Variants in SLC39A10 observed in about 807,000 individuals in gnomAD.
SLC39A10 encodes solute carrier family 39 member 10, also known as zinc transporter ZIP10.
SLC39A10 carries 13 observed loss-of-function variants against 65.1 expected under a neutral mutation model. The observed-to-expected ratio is 0.20, with a 90% CI of 0.13 to 0.32. The LOEUF (loss-of-function observed/expected upper bound fraction) is 0.32. Among genes scored for constraint, SLC39A10 ranks in the 10% least tolerant of loss-of-function variants. SLC39A10 has a pLI of 1.00. For missense variants in SLC39A10, 831 were observed against 1,018.4 expected (o/e 0.82, Z 2.50); for synonymous variants, 321 against 342.2 (o/e 0.94, Z 0.68).
intron 2 of SLC39A10, among the ~76,000 whole-genome samples, chr2:195,617,332 G>T (rs962565529): frequency 2.0e-5 from 3 of 151,866 alleles, no homozygotes; most frequent in Middle Eastern, 3.2e-3. Flanking sequence ...GGAGGCCAAG[G>T]TGGGCAGATC....
At chr2:195,669,749 G>A (rs1171043015) in intron 1 of SLC39A10, among the ~76,000 whole-genome samples, 1 of 152,148 alleles carries the variant, frequency 6.6e-6, no homozygotes, top group Non-Finnish European at 1.5e-5. Context: ...TGTAATCCCA[G>A]CAGCTTGGGA....
chr2:195,639,160 C>T lies in SLC39A10; in HGVS notation c.-12+32927C>T, dbSNP rs181701491. 2.6e-5 allele frequency among the ~76,000 whole-genome samples: 4 copies of T among 152,238 alleles called. No homozygotes were observed. In the East Asian group the frequency reaches 7.7e-4, roughly 29 times the overall value. On this transcript the variant is annotated intron_variant, in intron 2 of 2. Coordinates refer to the SLC39A10 transcript ENST00000458054. ...TAAAGATAAGTCTTGCTATGTTGCC[C>T]AGGCTGGTGGTGAACTTCTGGCTTC...
chr2:195,698,449 G>C (rs576649134), intron 3 of SLC39A10, among the ~76,000 whole-genome samples: 1 of 152,006 alleles, frequency 6.6e-6, no homozygotes, highest in Non-Finnish European at 1.5e-5. Context: ...GATGTTTACT[G>C]TAAGTTTTTC....
In SLC39A10 at chr2:195,737,562, A is replaced by AATC. The variant is rs1161758631; in HGVS notation, c.*2524_*2526dup. 1.1e-5 allele frequency: 2 copies of AATC among 177,004 alleles called. No individual in the cohort carries two copies. The highest frequency in any genetic ancestry group is 4.9e-5 in the African/African-American group (2 of 40,554). The allele number at this position is 177,004 out of a possible 1,614,324, so 11.0% of individuals were successfully genotyped here. A position where few individuals can be genotyped will look rare whatever the true frequency, so the allele number is the denominator to read the frequency against. ...CTAAACTTTTGTTTTGTTTTAACTG[A>AATC]ATCATTTTTTAACTTAAAAAGCTGG... On this transcript the variant is annotated 3_prime_UTR_variant, in exon 10 of 10. Coordinates refer to ENST00000359634, the MANE Select transcript of SLC39A10 (RefSeq NM_020342.3).
At chr2:195,668,622 CT>C (rs1280354796) in intron 1 of SLC39A10, among the ~76,000 whole-genome samples, 1 of 152,182 alleles carries the variant, frequency 6.6e-6, no homozygotes, top group East Asian at 1.9e-4. Context: ...CAGATAATAA[CT>C]TCTCATTCTT....
In SLC39A10 at chr2:195,617,668, C is replaced by T. The variant is rs573137847; in HGVS notation, c.-12+11435C>T. ...GGAAAATCACTCGAGCTCAGGAGTT[C>T]AAGACCAGCCTAGGCAACATAGTGA... On this transcript the variant is annotated intron_variant, in intron 2 of 2. Transcript: ENST00000458054. Among the ~76,000 whole-genome samples the T allele has an allele frequency of 4.7e-5, 7 of 148,840 alleles. No homozygotes were observed. In the South Asian group the frequency reaches 8.6e-4, roughly 18 times the overall value.
In SLC39A10 at chr2:195,615,503, C is replaced by T. The variant is rs141143074; in HGVS notation, c.-12+9270C>T. Reference sequence around the variant, plus strand: ...TAAAAATATACAGGTGTTTAGTTTCCACTCTCACCCCATCCCACCTCCCTG... The same window carrying T: ...TAAAAATATACAGGTGTTTAGTTTCTACTCTCACCCCATCCCACCTCCCTG... On this transcript the variant is annotated intron_variant, in intron 2 of 2. Transcript: ENST00000458054. 8.1e-3 allele frequency among the ~76,000 whole-genome samples: 1,229 copies of T among 152,266 alleles called. 9 individuals carry two copies. The highest frequency in any genetic ancestry group is 0.012 in the Non-Finnish European group (842 of 68,032).
chr2:195,663,573 G>A (rs1199433393), intron 1 of SLC39A10, among the ~76,000 whole-genome samples: 1 of 151,842 alleles, frequency 6.6e-6, no homozygotes, highest in East Asian at 1.9e-4. Flanking sequence ...ATAAGGCAGT[G>A]AGATCATGTT....
intron 1 of SLC39A10, among the ~76,000 whole-genome samples, chr2:195,663,323 T>C (rs1233991703): frequency 6.6e-6 from 1 of 152,210 alleles, no homozygotes; most frequent in Non-Finnish European, 1.5e-5. Flanking sequence ...CTACTGAAGA[T>C]GACTCCTTAC....
chr2:195,628,157 T>C (rs557516638), intron 2 of SLC39A10, among the ~76,000 whole-genome samples: 5 of 152,344 alleles, frequency 3.3e-5, no homozygotes, highest in African/African-American at 1.2e-4. Context: ...GATTTAGATG[T>C]TCCCTCTACC....
At chr2:195,716,593 T>G (rs752875428) in intron 6 of SLC39A10, 44 bp from the exon 7 acceptor site, 13 of 1,520,298 alleles carry the variant, frequency 8.6e-6, no homozygotes, top group Non-Finnish European at 8.8e-7. Context: ...CAAATATCCA[T>G]GCATTTAATT....
At chr2:195,648,700 A>G (rs146180850) in intron 2 of SLC39A10, among the ~76,000 whole-genome samples, 1 of 152,270 alleles carries the variant, frequency 6.6e-6, no homozygotes, top group African/African-American at 2.4e-5. Context: ...AAAAATAAAA[A>G]TAGGTTGGAT....
upstream of SLC39A10, among the ~76,000 whole-genome samples, chr2:195,652,899 A>G (rs1297505435): frequency 6.6e-6 from 1 of 152,208 alleles, no homozygotes; most frequent in Non-Finnish European, 1.5e-5. Context: ...AGATTCTCAT[A>G]GGAGCACAAA....
intron 3 of SLC39A10, among the ~76,000 whole-genome samples, chr2:195,700,752 T>G (rs1691146272): frequency 6.6e-6 from 1 of 152,240 alleles, no homozygotes; most frequent in Admixed American, 6.5e-5. Context: ...TATTGCCTTC[T>G]GACCCACAAA....
chr2:195,633,298 A>C (rs962263451), intron 2 of SLC39A10, among the ~76,000 whole-genome samples: 1 of 152,224 alleles, frequency 6.6e-6, no homozygotes, highest in African/African-American at 2.4e-5. Flanking sequence ...CCCTCGTGGG[A>C]GGGAGCACGC....
chr2:195,633,347 C>T (rs971480790), intron 2 of SLC39A10, among the ~76,000 whole-genome samples: 2 of 152,232 alleles, frequency 1.3e-5, no homozygotes, highest in African/African-American at 4.8e-5. Flanking sequence ...GTGTTTTCAG[C>T]ACCGGCAGGA....
At chr2:195,682,956 T>TGAGGTAGC (rs1313704157) in intron 2 of SLC39A10, among the ~76,000 whole-genome samples, 1 of 151,996 alleles carries the variant, frequency 6.6e-6, no homozygotes, top group African/African-American at 2.4e-5. Context: ...AGCCATATAG[T>TGAGGTAGC]GAGGTAGCAA....
chr2:195,618,322 G>A (rs1349892372), intron 2 of SLC39A10, among the ~76,000 whole-genome samples: 1 of 147,792 alleles, frequency 6.8e-6, no homozygotes, highest in Non-Finnish European at 1.5e-5. Flanking sequence ...TTGCACTTCA[G>A]CCTGGGTGTC....
rs371992525 is a variant in SLC39A10 at position 195,680,572 on chromosome 2, G to A, written c.530G>A (p.Arg177His). The A allele has an allele frequency of 1.9e-5, 30 of 1,613,892 alleles. No individual in the cohort carries two copies. Among genetic ancestry groups the A allele is most frequent in the African/African-American group, 1.7e-4 (13 of 74,844 alleles). ...DDKHMHDHNH[R>H]LRHHHRLHHH... The stretch of plus-strand genomic sequence containing the variant: ...AAACATATGCATGACCATAATCACC[G>A]CCTACGTCATCACCATCGTTTGCAT... Residue 177 changes from arginine to histidine, a missense_variant, in exon 2 of 10, where the codon CGC (arginine) becomes CAC (histidine). By Grantham distance (29) the Arg-to-His change is conservative. Around this residue, in one of 4 missense-constraint regions of SLC39A10, gnomAD observed 446 missense variants for 499.2 expected, o/e 0.89. Coordinates refer to ENST00000359634, the MANE Select transcript of SLC39A10 (RefSeq NM_020342.3).
Sources: allele counts gnomAD v4.1 joint callset (sites outside exome capture counted in the v4.1 genomes callset), GRCh38; gene constraint gnomAD v4.1.1; regional missense constraint gnomAD v4.1.1; transcripts MANE v1.5; gene names NCBI Gene and HGNC (gene_info 2026-07-23, HGNC 2026-07-21).